Variants in IGSF11 observed in about 807,000 individuals in gnomAD.
The protein encoded by IGSF11 is CXADR like 1.
Under a neutral mutation model 41.0 loss-of-function variants are expected in IGSF11, and 22 were observed. The observed-to-expected ratio is 0.54, with a 90% CI of 0.38 to 0.77. The LOEUF (loss-of-function observed/expected upper bound fraction) is 0.77. Among genes scored for constraint, IGSF11 ranks in the 30% least tolerant of loss-of-function variants. The probability of loss-of-function intolerance (pLI) is 0.00; values close to 1 mark genes in which losing one functional copy is unlikely to be tolerated. For synonymous variants in IGSF11, 219 were observed against 201.3 expected (o/e 1.09, Z -0.74); for missense variants, 444 against 530.8 (o/e 0.84, Z 1.61).
At chr3:118,934,548 G>T (rs1943095952) in intron 1 of IGSF11, among the ~76,000 whole-genome samples, 1 of 151,826 alleles carries the variant, frequency 6.6e-6, no homozygotes, top group South Asian at 2.1e-4. Context: ...AAATGCTAAT[G>T]GCTTTCAAAT....
chr3:118,989,206 G>T (rs2107648945), intron 1 of IGSF11, among the ~76,000 whole-genome samples: 1 of 152,294 alleles, frequency 6.6e-6, no homozygotes, highest in South Asian at 2.1e-4. Context: ...ACAAGCAAAG[G>T]ACTGTAAAAT....
At chr3:119,109,351 T>A (rs1162285435), upstream of IGSF11, among the ~76,000 whole-genome samples, 1 of 152,090 alleles carries the variant, frequency 6.6e-6, no homozygotes, top group Non-Finnish European at 1.5e-5. Flanking sequence ...TATCCATTTC[T>A]TCTAGATTTT....
At chr3:118,975,865 T>TG (rs1192920655) in intron 1 of IGSF11, among the ~76,000 whole-genome samples, 1 of 151,986 alleles carries the variant, frequency 6.6e-6, no homozygotes, top group Non-Finnish European at 1.5e-5. Flanking sequence ...TGGGGACTAC[T>TG]GGGGGGCAGG....
upstream of IGSF11, among the ~76,000 whole-genome samples, chr3:119,106,491 A>G (rs1422514405): frequency 6.6e-6 from 1 of 152,214 alleles, no homozygotes; most frequent in Admixed American, 6.5e-5. Context: ...TTCACCTGAC[A>G]TAATGACCTA....
In IGSF11 at chr3:118,904,818, T is replaced by C. The variant is rs752282354; in HGVS notation, c.704-20A>G. ...GCTGGGCTGCAAAATATATTTAAGA[T>C]ATATTTAAAGAAAAGAGAAAGAGAG... On this transcript the variant is annotated intron_variant, in intron 5 of 6. Transcript: ENST00000393775. 5 of 1,574,008 alleles carry C rather than the reference T, an allele frequency of 3.2e-6. No homozygotes were observed. The highest frequency in any genetic ancestry group is 4.3e-6 in the Non-Finnish European group (5 of 1,164,466).
intron 6 of IGSF11, among the ~76,000 whole-genome samples, chr3:118,904,421 T>G (rs1559868054): frequency 6.6e-6 from 1 of 152,212 alleles, no homozygotes; most frequent in Non-Finnish European, 1.5e-5. Context: ...TCTTCATTTG[T>G]ATCCTCCTAG....
At chr3:118,922,926 C>G (rs1941961685) in intron 4 of IGSF11, among the ~76,000 whole-genome samples, 2 of 152,224 alleles carry the variant, frequency 1.3e-5, no homozygotes, top group South Asian at 4.1e-4. Context: ...ATAGAACATG[C>G]TGGGAATGCA....
chr3:118,934,357 A>C (rs1943084686), intron 1 of IGSF11, among the ~76,000 whole-genome samples: 2 of 152,158 alleles, frequency 1.3e-5, no homozygotes. Context: ...CAGTGATGTT[A>C]ATATAATTCA....
chr3:119,022,600 GT>G (rs1183462354), intron 1 of IGSF11, among the ~76,000 whole-genome samples: 7 of 152,134 alleles, frequency 4.6e-5, no homozygotes, highest in African/African-American at 1.7e-4. Context: ...CTAAATGCTA[GT>G]AAAAAGGGGA....
At chr3:119,055,970 C>T (rs1296748288) in intron 1 of IGSF11, among the ~76,000 whole-genome samples, 1 of 152,158 alleles carries the variant, frequency 6.6e-6, no homozygotes, top group Non-Finnish European at 1.5e-5. Context: ...ACGTTCAAAG[C>T]AGTGTGTAGA....
intron 1 of IGSF11, among the ~76,000 whole-genome samples, chr3:119,047,870 A>T (rs1418355304): frequency 6.6e-6 from 1 of 152,174 alleles, no homozygotes; most frequent in Non-Finnish European, 1.5e-5. Context: ...ACTACATGGA[A>T]ACTGAACAAC....
chr3:118,976,143 G>A (rs1334546913), intron 1 of IGSF11, among the ~76,000 whole-genome samples: 3 of 152,098 alleles, frequency 2.0e-5, no homozygotes, highest in African/African-American at 7.2e-5. Flanking sequence ...TAAGCTGTAT[G>A]CATTTCATGG....
At chr3:119,118,045 G>T (rs532038282) in intron 1 of IGSF11, among the ~76,000 whole-genome samples, 5 of 152,176 alleles carry the variant, frequency 3.3e-5, no homozygotes, top group Admixed American at 3.3e-4. Flanking sequence ...CTGCTTTCAC[G>T]GGCTGGCATT....
In IGSF11 at chr3:118,902,332, T is replaced by C; in HGVS notation, c.*188A>G. ...ACATCTTTGGTGGGGAAGCAAGTCT[T>C]CATGATGGAGCATTTCAGTCCATTT... is the stretch of plus-strand genomic sequence containing the variant. On this transcript the variant is annotated 3_prime_UTR_variant, in exon 7 of 7. Transcript: ENST00000393775. 1.8e-6 allele frequency: 1 copy of C among 553,498 alleles called. No homozygotes were observed. The highest frequency in any genetic ancestry group is 3.2e-6 in the Non-Finnish European group (1 of 312,820). The allele number at this position is 553,498 out of a possible 1,614,324, so 34.3% of individuals were successfully genotyped here.
In IGSF11 at chr3:118,988,460, C is replaced by T. The variant is rs1367613099; in HGVS notation, c.52+46071G>A. ...GAACTCAGGTTTCCAGCGCTTTCCA[C>T]CATAGCAGAACACTTTTCCAAAATC... On this transcript the variant is annotated intron_variant, in intron 1 of 6. Transcript: ENST00000393775. 2.0e-5 allele frequency among the ~76,000 whole-genome samples: 3 copies of T among 152,178 alleles called. No individual in the cohort carries two copies. The East Asian group carries it at 5.8e-4, about 29-fold the overall frequency.
At chr3:119,131,840 A>G (rs1444967003) in intron 1 of IGSF11, among the ~76,000 whole-genome samples, 1 of 152,242 alleles carries the variant, frequency 6.6e-6, no homozygotes, top group Non-Finnish European at 1.5e-5. Flanking sequence ...CCATCAGACT[A>G]ACAGCAGATC....
In IGSF11 at chr3:119,120,044, T is replaced by C. The variant is rs112417759; in HGVS notation, c.-13-14839A>G. Among the ~76,000 whole-genome samples the C allele has an allele frequency of 5.7e-3, 873 of 152,332 alleles. 14 individuals are homozygous for C. Among genetic ancestry groups the C allele is most frequent in the Non-Finnish European group, 6.3e-3 (426 of 68,032 alleles). Reference sequence around the variant, plus strand: ...ATGCCAAGGAAAGACCTGGCAAAGATGGCATCAGTCATTCGTCTCTGACTG... The same window carrying C: ...ATGCCAAGGAAAGACCTGGCAAAGACGGCATCAGTCATTCGTCTCTGACTG... On this transcript the variant is annotated intron_variant, in intron 1 of 7. Coordinates refer to the IGSF11 transcript ENST00000425327.
At chr3:119,076,597 C>T (rs554447820) in intron 1 of IGSF11, among the ~76,000 whole-genome samples, 3 of 152,206 alleles carry the variant, frequency 2.0e-5, no homozygotes, top group Admixed American at 6.5e-5. Flanking sequence ...AAAAAGTGGG[C>T]AAAGGATACA....
At chr3:118,906,844 A>G (rs1232423307) in intron 4 of IGSF11, among the ~76,000 whole-genome samples, 2 of 152,156 alleles carry the variant, frequency 1.3e-5, no homozygotes, top group Non-Finnish European at 2.9e-5. Flanking sequence ...AATTACCCTG[A>G]GGTATTTTTA....
Sources: gnomAD v4.1 joint callset for allele counts (sites outside exome capture counted in the v4.1 genomes callset) on GRCh38, gnomAD v4.1.1 for gene constraint, MANE v1.5 for transcripts, NCBI Gene and HGNC (gene_info 2026-07-23, HGNC 2026-07-21) for gene names.